Variants in GALNT17 observed in about 807,000 individuals in gnomAD.
GALNT17 encodes UDP-GalNAc:polypeptide N-acetylgalactosaminyltransferase-like 3.
Under a neutral mutation model 63.7 loss-of-function variants are expected in GALNT17, and 29 were observed. The observed-to-expected ratio is 0.46, with a 90% CI of 0.34 to 0.62. GALNT17 has a LOEUF of 0.62. GALNT17 is among the 20% of genes least tolerant of loss of function. The pLI is 0.01. For synonymous variants in GALNT17, 305 were observed against 318.3 expected (o/e 0.96, Z 0.45); for missense variants, 603 against 799.6 (o/e 0.75, Z 2.97).
intron 5 of GALNT17, among the ~76,000 whole-genome samples, chr7:71,560,058 G>A (rs1789228887): frequency 6.6e-6 from 1 of 151,944 alleles, no homozygotes; most frequent in African/African-American, 2.4e-5. Flanking sequence ...GCTGGGTGTA[G>A]TGGTAGGTGC....
chr7:71,326,780 C>G (rs1490580150), intron 1 of GALNT17, among the ~76,000 whole-genome samples: 2 of 152,164 alleles, frequency 1.3e-5, no homozygotes, highest in Non-Finnish European at 2.9e-5. Context: ...TCTCGTGACT[C>G]ATTTCCTTAT....
intron 9 of GALNT17, among the ~76,000 whole-genome samples, chr7:71,681,802 A>G (rs778863434): frequency 5.9e-5 from 9 of 152,254 alleles, no homozygotes; most frequent in Non-Finnish European, 1.0e-4. Context: ...CACTTGTCCT[A>G]TGAATGTGGA....
chr7:71,262,980 C>T lies in GALNT17; in HGVS notation c.239-72570C>T, dbSNP rs578062252. Reference sequence around the variant, plus strand: ...ACAGGCATGAGACACCACACCCAGCCGACTGGTGTCCTTATGAGAAGAGGA... The same window carrying T: ...ACAGGCATGAGACACCACACCCAGCTGACTGGTGTCCTTATGAGAAGAGGA... On this transcript the variant is annotated intron_variant, in intron 1 of 10. Coordinates refer to ENST00000333538, the MANE Select transcript of GALNT17 (RefSeq NM_022479.3). 1.5e-4 allele frequency among the ~76,000 whole-genome samples: 23 copies of T among 151,976 alleles called. 1 individual carries two copies. The highest frequency in any genetic ancestry group is 1.0e-3 in the South Asian group (5 of 4,796).
chr7:71,257,271 A>C (rs1355466511), intron 1 of GALNT17, among the ~76,000 whole-genome samples: 1 of 152,148 alleles, frequency 6.6e-6, no homozygotes, highest in East Asian at 1.9e-4. Context: ...ACTATTATTA[A>C]AAGGAATGAT....
chr7:71,209,782 G>C (rs1789342081), intron 1 of GALNT17, among the ~76,000 whole-genome samples: 1 of 152,140 alleles, frequency 6.6e-6, no homozygotes, highest in African/African-American at 2.4e-5. Flanking sequence ...AGACTTAACA[G>C]TTCCACATAT....
intron 1 of GALNT17, among the ~76,000 whole-genome samples, chr7:71,303,026 G>A (rs868296291): frequency 2.6e-5 from 4 of 151,936 alleles, no homozygotes; most frequent in African/African-American, 4.8e-5. Context: ...TGCCATGCCC[G>A]GCTAATTTTT....
chr7:71,364,750 A>G lies in GALNT17; in HGVS notation c.423-23485A>G, dbSNP rs925098919. ...AGAGCTTAGCATGCTTTCTGCTTACAATCCCACCTGCTGGCTGAGTGGAGA... is the reference window on the plus strand; with the variant it reads ...AGAGCTTAGCATGCTTTCTGCTTACGATCCCACCTGCTGGCTGAGTGGAGA... On this transcript the variant is annotated intron_variant, in intron 2 of 10. Coordinates refer to ENST00000333538, the MANE Select transcript of GALNT17 (RefSeq NM_022479.3). Among the ~76,000 whole-genome samples, 123 of 152,158 alleles carry G rather than the reference A, an allele frequency of 8.1e-4. 2 individuals carry two copies. Among genetic ancestry groups the G allele is most frequent in the African/African-American group, 2.7e-3 (114 of 41,522 alleles).
rs61408096 is a variant in GALNT17 at position 71,306,818 on chromosome 7, C to CTGTTTTGTTT, written c.239-28720_239-28711dup. 1.3e-4 allele frequency among the ~76,000 whole-genome samples: 19 copies of CTGTTTTGTTT among 151,016 alleles called. No homozygotes were observed. The East Asian group carries it at 1.8e-3, about 14-fold the overall frequency. On this transcript the variant is annotated intron_variant, in intron 1 of 10. Coordinates refer to ENST00000333538, the MANE Select transcript of GALNT17 (RefSeq NM_022479.3). ...TCTGTTCAAGTCCCTGTTTTCATTT[C>CTGTTTTGTTT]TGTTTTGTTTTGTTTTGTTTTTTGA... is the stretch of plus-strand genomic sequence containing the variant.
At chr7:71,691,211 C>T (rs1375156805) in intron 9 of GALNT17, among the ~76,000 whole-genome samples, 1 of 152,174 alleles carries the variant, frequency 6.6e-6, no homozygotes, top group Non-Finnish European at 1.5e-5. Context: ...GATCAGTCAG[C>T]AGCCATAACA....
chr7:71,620,473 T>A (rs1441677715), intron 6 of GALNT17, among the ~76,000 whole-genome samples: 3 of 152,198 alleles, frequency 2.0e-5, no homozygotes, highest in Non-Finnish European at 4.4e-5. Context: ...CAAGACCCTG[T>A]TTCTAATAAA....
intron 1 of GALNT17, among the ~76,000 whole-genome samples, chr7:71,234,533 A>G (rs1381346939): frequency 6.6e-6 from 1 of 152,062 alleles, no homozygotes; most frequent in Non-Finnish European, 1.5e-5. Context: ...CAAAGTGTTA[A>G]GATTAGAGAT....
intron 9 of GALNT17, among the ~76,000 whole-genome samples, chr7:71,684,055 A>T (rs1355091812): frequency 1.3e-5 from 2 of 151,506 alleles, no homozygotes; most frequent in Non-Finnish European, 2.9e-5. Context: ...ATGCAGTAGC[A>T]GCCTTAGTGT....
intron 9 of GALNT17, among the ~76,000 whole-genome samples, chr7:71,680,558 C>G (rs1435320118): frequency 1.2e-4 from 4 of 33,872 alleles, no homozygotes; most frequent in Admixed American, 4.3e-4. Context: ...CTCCCTCTCT[C>G]CCTTCCTCCC....
At chr7:71,536,182 T>C (rs768796067) in intron 5 of GALNT17, among the ~76,000 whole-genome samples, 11 of 152,198 alleles carry the variant, frequency 7.2e-5, no homozygotes, top group Non-Finnish European at 1.2e-4. Flanking sequence ...AAGCTCCTTT[T>C]CCCAGAGATG....
intron 1 of GALNT17, among the ~76,000 whole-genome samples, chr7:71,323,502 A>G (rs1054324799): frequency 2.0e-5 from 3 of 152,240 alleles, no homozygotes; most frequent in Non-Finnish European, 4.4e-5. Flanking sequence ...TTAAAATTTC[A>G]TTCAAGATAT....
At chr7:71,388,141 G>A (rs1262910075) in intron 2 of GALNT17, 94 bp from the exon 3 acceptor site, 8 of 1,371,682 alleles carry the variant, frequency 5.8e-6, no homozygotes, top group Non-Finnish European at 8.1e-6. Context: ...ACGACTGGAT[G>A]AGGATTCGGC....
chr7:71,552,379 C>T (rs974641846), intron 5 of GALNT17, among the ~76,000 whole-genome samples: 1 of 151,712 alleles, frequency 6.6e-6, no homozygotes, highest in African/African-American at 2.4e-5. Context: ...AGGCACTTTA[C>T]AAATTCTGAT....
intron 1 of GALNT17, among the ~76,000 whole-genome samples, chr7:71,276,999 A>AAAAT (rs898414168): frequency 2.0e-5 from 3 of 152,204 alleles, no homozygotes; most frequent in Admixed American, 6.5e-5. Context: ...CTCCATCTCA[A>AAAAT]AAATAAATAA....
At chr7:71,449,103 A>ATTTTTTTTTTTTT (rs1583963031) in intron 5 of GALNT17, among the ~76,000 whole-genome samples, 5 of 45,618 alleles carry the variant, frequency 1.1e-4, no homozygotes, top group African/African-American at 3.3e-4. Flanking sequence ...ACAGCTGCCT[A>ATTTTTTTTTTTTT]TTTTCTTTTT....
Sources: gnomAD v4.1 joint callset for allele counts (sites outside exome capture counted in the v4.1 genomes callset) on GRCh38, gnomAD v4.1.1 for gene constraint, MANE v1.5 for transcripts, NCBI Gene and HGNC (gene_info 2026-07-23, HGNC 2026-07-21) for gene names.